Variants in RNF220 observed in about 807,000 individuals in gnomAD.
RNF220 encodes the protein E3 ubiquitin-protein ligase RNF220.
In RNF220, 7 loss-of-function variants were observed where a neutral mutation model predicts 67.1. That is an observed-to-expected ratio of 0.10 (90% CI 0.06 to 0.20). The LOEUF (loss-of-function observed/expected upper bound fraction) is 0.20. Among genes scored for constraint, RNF220 ranks in the 10% least tolerant of loss-of-function variants. RNF220 has a pLI of 1.00. For synonymous variants in RNF220, 270 were observed against 283.2 expected (o/e 0.95, Z 0.47); for missense variants, 565 against 740.3 (o/e 0.76, Z 2.75).
chr1:44,521,849 C>G (rs1342468298), intron 2 of RNF220, among the ~76,000 whole-genome samples: 4 of 151,646 alleles, frequency 2.6e-5, no homozygotes, highest in African/African-American at 9.7e-5. Context: ...GTAATAGGCT[C>G]TCAATTGATG....
intron 2 of RNF220, among the ~76,000 whole-genome samples, chr1:44,563,150 A>C (rs1663718796): frequency 6.6e-6 from 1 of 152,224 alleles, no homozygotes; most frequent in Admixed American, 6.5e-5. Context: ...GTAACAGCAG[A>C]CCTGGGCCTT....
Position 44,590,773 on chromosome 1 carries a change from CT to C in RNF220, c.626-23391del, listed in dbSNP as rs941299537. 1.3e-4 allele frequency among the ~76,000 whole-genome samples: 20 copies of C among 152,150 alleles called. 1 individual carries two copies. Among genetic ancestry groups the C allele is most frequent in the African/African-American group, 4.3e-4 (18 of 41,430 alleles). On this transcript the variant is annotated intron_variant, in intron 2 of 14. Transcript: ENST00000361799. ...TTGATGTCACTCACTGTGCCAGGCC[CT>C]GTTAAAGAAATAGACAAGTAAAAGT...
rs368008946 is a variant in RNF220, at chr1:44,559,644, C to A, written c.626-54521C>A. On this transcript the variant is annotated intron_variant, in intron 2 of 14. Transcript: ENST00000361799. ...AGTGGGGCTGGGACAGATGAGCAGG[C>A]CTGTTAGGAAGAGGGGGCCACGGCC... Among the ~76,000 whole-genome samples the A allele has an allele frequency of 1.5e-4, 23 of 152,194 alleles. No homozygotes were observed. In the East Asian group the frequency reaches 4.3e-3, roughly 28 times the overall value.
intron 2 of RNF220, among the ~76,000 whole-genome samples, chr1:44,584,385 C>T (rs1206534889): frequency 6.6e-6 from 1 of 152,194 alleles, no homozygotes; most frequent in Non-Finnish European, 1.5e-5. Context: ...TGTCAAATTC[C>T]AAAGCAAGTC....
At chr1:44,552,173 A>G (rs1318727600) in intron 2 of RNF220, among the ~76,000 whole-genome samples, 1 of 152,148 alleles carries the variant, frequency 6.6e-6, no homozygotes, top group Non-Finnish European at 1.5e-5. Context: ...AAAACTCCAG[A>G]TCCTCACAAT....
chr1:44,431,540 TG>T (rs1252732061), intron 2 of RNF220, among the ~76,000 whole-genome samples: 7 of 151,328 alleles, frequency 4.6e-5, no homozygotes, highest in Non-Finnish European at 7.4e-5. Flanking sequence ...AAATGCTTGC[TG>T]CTTTCTTCAA....
chr1:44,566,127 T>G (rs1454064886), intron 2 of RNF220, among the ~76,000 whole-genome samples: 3 of 152,122 alleles, frequency 2.0e-5, no homozygotes, highest in African/African-American at 7.2e-5. Flanking sequence ...AGCTTGCCCT[T>G]CCCCAGGGGC....
intron 2 of RNF220, among the ~76,000 whole-genome samples, chr1:44,502,465 A>G (rs1487696483): frequency 6.6e-6 from 1 of 152,184 alleles, no homozygotes; most frequent in African/African-American, 2.4e-5. Flanking sequence ...GACATGTAAT[A>G]ACCATCTGCA....
chr1:44,580,395 T>G (rs1665183567), intron 2 of RNF220, among the ~76,000 whole-genome samples: 1 of 152,166 alleles, frequency 6.6e-6, no homozygotes, highest in African/African-American at 2.4e-5. Context: ...ACTAGAAATG[T>G]TCAACTTAGA....
chr1:44,475,568 C>CAAAAAA (rs35917344), intron 2 of RNF220, among the ~76,000 whole-genome samples: 1 of 70,982 alleles, frequency 1.4e-5, no homozygotes, highest in African/African-American at 5.5e-5. Flanking sequence ...GACTCGGTCT[C>CAAAAAA]AAAAAAAAAA....
At chr1:44,570,778 T>A (rs982749653) in intron 2 of RNF220, among the ~76,000 whole-genome samples, 1 of 152,132 alleles carries the variant, frequency 6.6e-6, no homozygotes, top group African/African-American at 2.4e-5. Flanking sequence ...AATAAGCCTT[T>A]AAAAGATAAA....
intron 6 of RNF220, 147 bp downstream of exon 6, chr1:44,632,532 C>T (rs905429673): frequency 4.7e-5 from 35 of 752,518 alleles, no homozygotes; most frequent in Non-Finnish European, 1.3e-5. Context: ...TATGTGCAAA[C>T]CAAAGCTGCC....
intron 2 of RNF220, among the ~76,000 whole-genome samples, chr1:44,480,689 C>G (rs1655720710): frequency 6.6e-6 from 1 of 152,090 alleles, no homozygotes; most frequent in African/African-American, 2.4e-5. Context: ...AGTTCAAGAC[C>G]AGCCTGGCCA....
chr1:44,427,480 T>C (rs868023988), intron 2 of RNF220, among the ~76,000 whole-genome samples: 8 of 152,182 alleles, frequency 5.3e-5, no homozygotes, highest in Non-Finnish European at 1.0e-4. Context: ...GTGAGTTCCT[T>C]GAGATGGGAA....
At chr1:44,491,660 C>G (rs1276789870) in intron 2 of RNF220, among the ~76,000 whole-genome samples, 1 of 151,846 alleles carries the variant, frequency 6.6e-6, no homozygotes, top group Non-Finnish European at 1.5e-5. Context: ...AGGATGTCCA[C>G]TCTTTTTTTT....
rs376061961 is a variant in RNF220, at chr1:44,412,111, G to A, written c.14G>A (p.Arg5Gln). The change falls in exon 2 of 15, where the codon CGG (arginine) becomes CAG (glutamine). Residue 5 changes from arginine (R) to glutamine (Q), a missense_variant. Arg to Gln is a conservative substitution (Grantham distance 43). Transcript: ENST00000361799. The surrounding 1 kb of genome is among the most constrained non-coding windows in gnomAD (Gnocchi z 5.3). ...AAAGAGACTCCGATGGACTTACACCGGGCAGCCTTCAAGATGGAGAACTCA... is the reference window on the plus strand; with the variant it reads ...AAAGAGACTCCGATGGACTTACACCAGGCAGCCTTCAAGATGGAGAACTCA... MDLH[R>Q]AAFKMENSSY... 1.9e-5 allele frequency: 30 copies of A among 1,611,228 alleles called. No homozygotes were observed. Among genetic ancestry groups the A allele is most frequent in the Non-Finnish European group, 2.5e-5 (29 of 1,178,032 alleles).
At chr1:44,533,172 G>T (rs780939483) in intron 2 of RNF220, among the ~76,000 whole-genome samples, 2 of 152,190 alleles carry the variant, frequency 1.3e-5, no homozygotes, top group Non-Finnish European at 2.9e-5. Context: ...AAGGCTCTAG[G>T]TCAGCATACT....
In RNF220 at chr1:44,645,188, C is replaced by G; in HGVS notation, c.1311-33C>G. The stretch of plus-strand genomic sequence containing the variant: ...AGGGCTGTCCTGCCCGCCTTCAGGC[C>G]TCACTTTGTTTTTCCTCCCTCCTTT... On this transcript the variant is annotated intron_variant, in intron 10 of 14. Coordinates refer to ENST00000361799, the MANE Select transcript of RNF220 (RefSeq NM_018150.4). The surrounding 1 kb of genome is among the most constrained non-coding windows in gnomAD (Gnocchi z 5.0). The G allele has an allele frequency of 6.2e-7, 1 of 1,614,026 alleles. No homozygotes were observed.
At chr1:44,590,982 A>T (rs1666075255) in intron 2 of RNF220, among the ~76,000 whole-genome samples, 1 of 152,072 alleles carries the variant, frequency 6.6e-6, no homozygotes, top group African/African-American at 2.4e-5. Flanking sequence ...TTTCTTTGAG[A>T]TGGAGTTTCG....
Sources: gnomAD v4.1 joint callset for allele counts (sites outside exome capture counted in the v4.1 genomes callset) on GRCh38, gnomAD v4.1.1 for gene constraint, Gnocchi (gnomAD v3.1) non-coding constraint, MANE v1.5 for transcripts, NCBI Gene and HGNC (gene_info 2026-07-23, HGNC 2026-07-21) for gene names.